PTPRM: variants seen among roughly 807,000 people sequenced by gnomAD.
PTPRM encodes protein tyrosine phosphatase receptor type M, also known as receptor-type tyrosine-protein phosphatase mu.
PTPRM carries 47 observed loss-of-function variants against 186.7 expected under a neutral mutation model. The observed-to-expected ratio is 0.25, with a 90% CI of 0.20 to 0.32. The LOEUF is 0.32. PTPRM is among the 10% of genes least tolerant of loss of function. PTPRM has a pLI of 1.00. For missense variants in PTPRM, 1,494 were observed against 1,865.0 expected (o/e 0.80, Z 3.66); for synonymous variants, 668 against 674.9 (o/e 0.99, Z 0.16).
intron 20 of PTPRM, among the ~76,000 whole-genome samples, chr18:8,311,309 CAAAA>C (rs576825540): frequency 7.8e-6 from 1 of 127,476 alleles, no homozygotes; most frequent in Admixed American, 8.0e-5. Flanking sequence ...AACTCCGTCT[CAAAA>C]AAAAAAAAAA....
chr18:7,684,404 C>T (rs1209696317), intron 1 of PTPRM, among the ~76,000 whole-genome samples: 1 of 151,936 alleles, frequency 6.6e-6, no homozygotes, highest in Admixed American at 6.6e-5. Flanking sequence ...TTGAGTGTAC[C>T]ATATGTTATT....
intron 32 of PTPRM, among the ~76,000 whole-genome samples, chr18:8,396,928 G>A (rs568303544): frequency 6.6e-6 from 1 of 152,190 alleles, no homozygotes; most frequent in Admixed American, 6.5e-5. Context: ...GTTTAGTTTG[G>A]TGTTGATACC....
At chr18:8,125,154 G>A in intron 13 of PTPRM, among the ~76,000 whole-genome samples, 1 of 151,076 alleles carries the variant, frequency 6.6e-6, no homozygotes, top group East Asian at 2.0e-4. Flanking sequence ...AGGTTACAGT[G>A]AGCTGAGATC....
chr18:7,921,154 T>A (rs1055873320), intron 4 of PTPRM, among the ~76,000 whole-genome samples: 35 of 152,220 alleles, frequency 2.3e-4, no homozygotes, highest in African/African-American at 8.2e-4. Context: ...GAAAGTTTTC[T>A]GTAATAGGTA....
chr18:8,063,587 C>G (rs1275342170), intron 7 of PTPRM, among the ~76,000 whole-genome samples: 1 of 152,138 alleles, frequency 6.6e-6, no homozygotes, highest in Non-Finnish European at 1.5e-5. Flanking sequence ...AAGGTATCAA[C>G]AGTAAATTTC....
chr18:7,879,874 A>G (rs1049393318), intron 2 of PTPRM, among the ~76,000 whole-genome samples: 4 of 152,174 alleles, frequency 2.6e-5, no homozygotes, highest in Non-Finnish European at 5.9e-5. Context: ...TCACACTGCT[A>G]TGAAGAAACA....
In PTPRM at chr18:8,000,712, G is replaced by A. The variant is rs117804786; in HGVS notation, c.1132+45298G>A. On this transcript the variant is annotated intron_variant, in intron 7 of 32. Transcript: ENST00000580170. ...ATAGAAACATAGAGTTACACCTTAT[G>A]GTGACCGCCTCATCCATTTCACACC... Among the ~76,000 whole-genome samples, 45 of 152,240 alleles carry A rather than the reference G, an allele frequency of 3.0e-4. No homozygotes were observed. The East Asian group carries it at 8.7e-3, about 29-fold the overall frequency.
rs191653398 is a variant in PTPRM, at chr18:8,260,838, G to A, written c.2754+7424G>A. Among the ~76,000 whole-genome samples the A allele has an allele frequency of 5.7e-3, 866 of 152,354 alleles. 5 individuals are homozygous for A. The highest frequency in any genetic ancestry group is 9.6e-3 in the Non-Finnish European group (652 of 68,032). On this transcript the variant is annotated intron_variant, in intron 19 of 32. Transcript: ENST00000580170. ...AGACCAGCCCAGCAGCAGGGCGCGG[G>A]AGGAAGGCGCCCCGGGCATCTGGGC... is the stretch of plus-strand genomic sequence containing the variant.
At chr18:8,147,971 G>T (rs771238750) in intron 14 of PTPRM, among the ~76,000 whole-genome samples, 32 of 152,196 alleles carry the variant, frequency 2.1e-4, no homozygotes, top group Non-Finnish European at 4.0e-4. Flanking sequence ...TGTTGAACCA[G>T]CCTTGCATCC....
intron 2 of PTPRM, among the ~76,000 whole-genome samples, chr18:7,797,894 C>T (rs2145306611): frequency 6.6e-6 from 1 of 152,328 alleles, no homozygotes; most frequent in East Asian, 1.9e-4. Flanking sequence ...CTTCCAGCTG[C>T]AGAATCCCCT....
chr18:8,268,153 C>G (rs1323958888), intron 19 of PTPRM, among the ~76,000 whole-genome samples: 1 of 152,126 alleles, frequency 6.6e-6, no homozygotes. Context: ...GCATGGGATG[C>G]ATTTATAAAT....
rs924078243 is a variant in PTPRM at position 8,180,947 on chromosome 18, T to TG, written c.2300+37175dup. On this transcript the variant is annotated intron_variant, in intron 14 of 32. Transcript: ENST00000580170. Reference sequence around the variant, plus strand: ...CTGATGTTCTTAGTTTGATGGCGGGTGGGGGGGCCCTCTCCTGCCCTACTT... The same window carrying TG: ...CTGATGTTCTTAGTTTGATGGCGGGTGGGGGGGGCCCTCTCCTGCCCTACTT... Among the ~76,000 whole-genome samples the TG allele has an allele frequency of 3.3e-5, 5 of 151,960 alleles. No homozygotes were observed. In the South Asian group the frequency reaches 8.3e-4, roughly 25 times the overall value.
intron 1 of PTPRM, among the ~76,000 whole-genome samples, chr18:7,680,500 G>A (rs1365921717): frequency 6.6e-6 from 1 of 152,174 alleles, no homozygotes; most frequent in Non-Finnish European, 1.5e-5. Flanking sequence ...GTGATGAGGG[G>A]AATTGTGTTG....
intron 13 of PTPRM, among the ~76,000 whole-genome samples, chr18:8,139,332 A>G (rs191432417): frequency 1.7e-3 from 256 of 152,270 alleles, no homozygotes; most frequent in African/African-American, 6.0e-3. Context: ...AGCGTGTCTC[A>G]AGTTTGATGG....
intron 31 of PTPRM, 93 bp downstream of exon 31, chr18:8,387,328 G>T: frequency 7.5e-7 from 1 of 1,326,730 alleles, no homozygotes; most frequent in Non-Finnish European, 1.0e-6. Flanking sequence ...CACTAGAAAT[G>T]GAGAAGAAAT....
chr18:8,253,449 C>G, intron 19 of PTPRM, 35 bp downstream of exon 19: 1 of 1,385,692 alleles, frequency 7.2e-7, no homozygotes, highest in Non-Finnish European at 9.4e-7. Flanking sequence ...CTTTCCCATT[C>G]CTTCTTGGAT....
At chr18:7,720,637 C>T (rs1399007304) in intron 1 of PTPRM, among the ~76,000 whole-genome samples, 1 of 152,124 alleles carries the variant, frequency 6.6e-6, no homozygotes, top group East Asian at 1.9e-4. Flanking sequence ...CTCCCAGCAC[C>T]TCCCCATCCC....
chr18:8,118,725 G>A (rs944891587), intron 13 of PTPRM, among the ~76,000 whole-genome samples: 7 of 151,128 alleles, frequency 4.6e-5, no homozygotes, highest in Non-Finnish European at 8.8e-5. Context: ...ACTTGACCCC[G>A]GGAGGCAGAG....
At chr18:7,820,422 A>G (rs1054928408) in intron 2 of PTPRM, among the ~76,000 whole-genome samples, 1 of 152,216 alleles carries the variant, frequency 6.6e-6, no homozygotes, top group Non-Finnish European at 1.5e-5. Flanking sequence ...GGCCTCTGCA[A>G]GTCTTCAGAC....
Sources: gnomAD v4.1 joint callset for allele counts (sites outside exome capture counted in the v4.1 genomes callset) on GRCh38, gnomAD v4.1.1 for gene constraint, MANE v1.5 for transcripts, NCBI Gene and HGNC (gene_info 2026-07-23, HGNC 2026-07-21) for gene names.